Variants in BRD10 observed in about 807,000 individuals in gnomAD.
BRD10 encodes the protein bromodomain containing 10, also known as uncharacterized bromodomain-containing protein 10.
At chr9:5,947,704 G>A in the BRD10 span, among the ~76,000 whole-genome samples, 1 of 151,960 alleles carries the variant, frequency 6.6e-6, no homozygotes, top group African/African-American at 2.4e-5. Context: ...CCAACTCGAT[G>A]TCATATACAA....
At chr9:5,891,245 G>A in the BRD10 span, 1 of 152,234 alleles carries the variant, frequency 6.6e-6, no homozygotes, top group African/African-American at 2.4e-5. Context: ...CTCCTGGTCT[G>A]AGTAGTAAGA....
chr9:5,989,006 G>A, the BRD10 span, among the ~76,000 whole-genome samples: 7 of 152,010 alleles, frequency 4.6e-5, no homozygotes, highest in East Asian at 1.9e-4. Flanking sequence ...CGAGGCAGGC[G>A]AATCATCTGA....
chr9:5,951,074 ACACC>A, the BRD10 span, among the ~76,000 whole-genome samples: 1,081 of 136,140 alleles, frequency 7.9e-3, 12 homozygotes, highest in African/African-American at 0.027. Flanking sequence ...ACACACACAC[ACACC>A]CCCACCCCAC....
At chr9:5,985,567 C>G in the BRD10 span, among the ~76,000 whole-genome samples, 1 of 152,170 alleles carries the variant, frequency 6.6e-6, no homozygotes, top group African/African-American at 2.4e-5. Flanking sequence ...GGGCAGATCA[C>G]CTGAGGTTGG....
At chr9:5,919,453 C>T in the BRD10 span, 1 of 422,124 alleles carries the variant, frequency 2.4e-6, no homozygotes, top group Non-Finnish European at 4.2e-6. Context: ...AACCTTGAAA[C>T]CCTCCTCAGA....
chr9:5,978,554 CCTT>C, the BRD10 span, among the ~76,000 whole-genome samples: 4 of 152,098 alleles, frequency 2.6e-5, no homozygotes, highest in African/African-American at 9.7e-5. Context: ...CATCAGTCAA[CCTT>C]CTTATTTATC....
At chr9:5,973,434 T>A in the BRD10 span, among the ~76,000 whole-genome samples, 1 of 152,162 alleles carries the variant, frequency 6.6e-6, no homozygotes, top group African/African-American at 2.4e-5. Flanking sequence ...ACCACTGCAC[T>A]CCAGCCTGGG....
At chr9:6,007,154 G>C in the BRD10 span, 30 of 1,578,908 alleles carry the variant, frequency 1.9e-5, no homozygotes, top group Non-Finnish European at 2.4e-5. Flanking sequence ...GTGTGTGTTT[G>C]TGTCAGTCTG....
chr9:5,917,602 G>A, the BRD10 span, among the ~76,000 whole-genome samples: 2 of 152,250 alleles, frequency 1.3e-5, no homozygotes, highest in African/African-American at 4.8e-5. Flanking sequence ...GGGAGGCCAA[G>A]GTGGGCAGAT....
the BRD10 span, among the ~76,000 whole-genome samples, chr9:5,961,827 T>A: frequency 6.6e-6 from 1 of 152,204 alleles, no homozygotes; most frequent in Admixed American, 6.5e-5. Flanking sequence ...TGCCTCAAAC[T>A]GTGCTAAAAT....
chr9:5,888,586 G>C, the BRD10 span, among the ~76,000 whole-genome samples: 1 of 152,344 alleles, frequency 6.6e-6, no homozygotes, highest in African/African-American at 2.4e-5. Flanking sequence ...CCCTGGAACT[G>C]CTAACGAATG....
chr9:5,948,096 T>G, the BRD10 span, among the ~76,000 whole-genome samples: 6 of 152,176 alleles, frequency 3.9e-5, no homozygotes, highest in South Asian at 1.2e-3. Context: ...AGTTAACCTT[T>G]CATTTAATAT....
the BRD10 span, among the ~76,000 whole-genome samples, chr9:5,983,667 GCA>G: frequency 3.3e-5 from 5 of 152,104 alleles, no homozygotes; most frequent in Admixed American, 3.3e-4. Flanking sequence ...CTTGAAAAGA[GCA>G]CAGAGAAGAC....
chr9:5,967,914 T>A, the BRD10 span: 1 of 697,676 alleles, frequency 1.4e-6, no homozygotes, highest in Non-Finnish European at 2.4e-6. Context: ...CACGCATGCA[T>A]ACATGTGCAT....
chr9:5,930,281 G>A, the BRD10 span, among the ~76,000 whole-genome samples: 3 of 150,586 alleles, frequency 2.0e-5, no homozygotes, highest in Admixed American at 2.0e-4. Flanking sequence ...TTGCATATAA[G>A]TAGAACACTA....
At chr9:5,952,584 T>G in the BRD10 span, among the ~76,000 whole-genome samples, 2 of 152,236 alleles carry the variant, frequency 1.3e-5, no homozygotes, top group Non-Finnish European at 2.9e-5. Flanking sequence ...ATTTCATGCC[T>G]CACTAATGAA....
the BRD10 span, among the ~76,000 whole-genome samples, chr9:6,003,924 C>T: frequency 1.3e-5 from 2 of 152,182 alleles, no homozygotes; most frequent in African/African-American, 4.8e-5. Flanking sequence ...GTGGGTCATC[C>T]TGTCTACTTC....
the BRD10 span, chr9:5,968,420 G>A: frequency 6.2e-7 from 1 of 1,612,606 alleles, no homozygotes; most frequent in Non-Finnish European, 8.5e-7. Context: ...TGGACTAAGA[G>A]GCTCTCCAAA....
chr9:5,882,927 C>G, the BRD10 span, among the ~76,000 whole-genome samples: 3 of 152,164 alleles, frequency 2.0e-5, no homozygotes, highest in Non-Finnish European at 4.4e-5. Flanking sequence ...CCAAACACCG[C>G]GTGTTCTCAC....
Sources: gnomAD v4.1 joint callset for allele counts (sites outside exome capture counted in the v4.1 genomes callset) on GRCh38, gnomAD v4.1.1 for gene constraint, MANE v1.5 for transcripts, NCBI Gene and HGNC (gene_info 2026-07-23, HGNC 2026-07-21) for gene names.